The following PCDH15 variants were observed in gnomAD, a reference collection of about 807,000 sequenced individuals.
PCDH15 encodes the protein protocadherin-15.
A neutral mutation model predicts 178.5 loss-of-function variants in PCDH15; 129 were observed. That is an observed-to-expected ratio of 0.72 (90% CI 0.63 to 0.84). The LOEUF (loss-of-function observed/expected upper bound fraction) is 0.84, where lower values mean the gene tolerates loss of function less well. Among genes scored for constraint, PCDH15 ranks in the 40% least tolerant of loss-of-function variants. The pLI, the probability that PCDH15 is intolerant of heterozygous loss-of-function variation, is 0.00. For missense variants in PCDH15, 2,230 were observed against 2,099.9 expected (o/e 1.06, Z -1.21); for synonymous variants, 800 against 732.0 (o/e 1.09, Z -1.50).
At chr10:55,495,195 A>G (rs1198698916) in intron 2 of PCDH15, among the ~76,000 whole-genome samples, 2 of 151,774 alleles carry the variant, frequency 1.3e-5, no homozygotes, top group Non-Finnish European at 2.9e-5. Flanking sequence ...TGGATTAGCC[A>G]ATGATTTCTT....
chr10:55,118,230 A>C (rs1011614318), intron 2 of PCDH15, among the ~76,000 whole-genome samples: 1 of 152,212 alleles, frequency 6.6e-6, no homozygotes, highest in Non-Finnish European at 1.5e-5. Context: ...GGGCTGTTTC[A>C]GGGATGAAAT....
chr10:55,070,442 A>C (rs1287884692), intron 2 of PCDH15, among the ~76,000 whole-genome samples: 1 of 151,890 alleles, frequency 6.6e-6, no homozygotes, highest in African/African-American at 2.4e-5. Context: ...ATCCATCTTG[A>C]ATTAATTTTT....
intron 21 of PCDH15, among the ~76,000 whole-genome samples, chr10:53,970,500 C>A (rs972245847): frequency 5.4e-5 from 7 of 130,508 alleles, no homozygotes; most frequent in African/African-American, 1.7e-4. Context: ...AATCCAGGAG[C>A]TGTTTTTTTT....
intron 28 of PCDH15, among the ~76,000 whole-genome samples, chr10:53,851,598 T>A (rs2078360943): frequency 6.7e-6 from 1 of 148,332 alleles, no homozygotes; most frequent in Admixed American, 6.8e-5. Flanking sequence ...ATTACATTGA[T>A]TTAAGAAAAT....
At chr10:54,099,987 C>T (rs2094779163) in intron 15 of PCDH15, among the ~76,000 whole-genome samples, 1 of 152,116 alleles carries the variant, frequency 6.6e-6, no homozygotes, top group Non-Finnish European at 1.5e-5. Context: ...ATAAAAAATA[C>T]TTCAAGCATC....
At chr10:54,069,769 T>C (rs1238517499) in intron 17 of PCDH15, among the ~76,000 whole-genome samples, 1 of 152,168 alleles carries the variant, frequency 6.6e-6, no homozygotes, top group East Asian at 1.9e-4. Context: ...ATCTGTGCCA[T>C]AGAGAATGTT....
At chr10:54,677,514 G>C (rs2094813109) in intron 1 of PCDH15, among the ~76,000 whole-genome samples, 1 of 152,046 alleles carries the variant, frequency 6.6e-6, no homozygotes, top group Admixed American at 6.6e-5. Context: ...CATATATTAA[G>C]TGTAAACACC....
chr10:55,290,507 G>A (rs75545162), intron 1 of PCDH15, among the ~76,000 whole-genome samples: 3,930 of 152,078 alleles, frequency 0.026, 166 homozygotes, highest in African/African-American at 0.088. Context: ...TGCTTTTATT[G>A]GGTAATTTTA....
intron 20 of PCDH15, among the ~76,000 whole-genome samples, chr10:54,019,332 G>A (rs891432629): frequency 6.6e-6 from 1 of 152,008 alleles, no homozygotes; most frequent in African/African-American, 2.4e-5. Flanking sequence ...GAGGATTTTT[G>A]TATATGTATC....
At chr10:54,906,726 T>C (rs547484615) in intron 2 of PCDH15, among the ~76,000 whole-genome samples, 16 of 152,236 alleles carry the variant, frequency 1.1e-4, no homozygotes, top group African/African-American at 3.9e-4. Context: ...TTTATAAAGG[T>C]ACATCCTAGT....
At chr10:54,278,247 A>C (rs973233650) in intron 8 of PCDH15, among the ~76,000 whole-genome samples, 18 of 151,690 alleles carry the variant, frequency 1.2e-4, no homozygotes, top group African/African-American at 4.3e-4. Context: ...TAGTAAAAAG[A>C]AGGACTCAAT....
rs1215126906 is a variant in PCDH15, at chr10:55,539,886, T to C, written c.-156+87739A>G. 1.3e-5 allele frequency among the ~76,000 whole-genome samples: 2 copies of C among 152,112 alleles called. 1 individual carries two copies. The highest frequency in any genetic ancestry group is 4.8e-5 in the African/African-American group (2 of 41,440). ...GGTACTCTTGTATATACTTTACAGA[T>C]ATTAACTTAGTTAATCCTCACAATT... On this transcript the variant is annotated intron_variant, in intron 2 of 5. Coordinates refer to the PCDH15 transcript ENST00000613346.
chr10:54,609,429 A>G (rs2092887556), intron 2 of PCDH15, among the ~76,000 whole-genome samples: 1 of 152,046 alleles, frequency 6.6e-6, no homozygotes, highest in African/African-American at 2.4e-5. Context: ...ATGCTTCATA[A>G]AAAATGCAGC....
At chr10:55,582,622 A>T (rs1473313085) in intron 2 of PCDH15, among the ~76,000 whole-genome samples, 17,140 of 71,434 alleles carry the variant, frequency 0.24, 2,230 homozygotes, top group African/African-American at 0.38. Flanking sequence ...ATATATATAT[A>T]TATATATTTT....
At chr10:54,917,951 CT>C (rs1434244030) in intron 2 of PCDH15, among the ~76,000 whole-genome samples, 4 of 150,202 alleles carry the variant, frequency 2.7e-5, no homozygotes, top group African/African-American at 9.8e-5. Context: ...ATATGTATGA[CT>C]TTTTTTGTAA....
At chr10:55,619,324 C>T (rs1407065611) in intron 2 of PCDH15, among the ~76,000 whole-genome samples, 1 of 151,800 alleles carries the variant, frequency 6.6e-6, no homozygotes, top group Non-Finnish European at 1.5e-5. Flanking sequence ...AAAACTATAG[C>T]GTCATTGGTT....
chr10:55,228,253 G>A (rs934612296), intron 1 of PCDH15, among the ~76,000 whole-genome samples: 12 of 151,928 alleles, frequency 7.9e-5, no homozygotes, highest in Admixed American at 3.9e-4. Context: ...ATATCTGCCT[G>A]TTTCAGGCCA....
intron 25 of PCDH15, among the ~76,000 whole-genome samples, chr10:53,927,520 T>C (rs1411063082): frequency 6.6e-6 from 1 of 152,058 alleles, no homozygotes; most frequent in Non-Finnish European, 1.5e-5. Flanking sequence ...ATCATGAAAA[T>C]ATATGGTTAA....
intron 15 of PCDH15, among the ~76,000 whole-genome samples, chr10:54,100,811 C>G (rs1199738103): frequency 1.3e-5 from 2 of 151,910 alleles, no homozygotes; most frequent in Non-Finnish European, 2.9e-5. Flanking sequence ...ATCAAATTCC[C>G]GGCAACCACT....
Sources: allele counts gnomAD v4.1 joint callset (sites outside exome capture counted in the v4.1 genomes callset), GRCh38; gene constraint gnomAD v4.1.1; transcripts MANE v1.5; gene names NCBI Gene and HGNC (gene_info 2026-07-23, HGNC 2026-07-21).